Variants in CLOCK observed in about 807,000 individuals in gnomAD.
The protein encoded by CLOCK is circadian locomoter output cycles protein kaput.
CLOCK carries 43 observed loss-of-function variants against 118.4 expected under a neutral mutation model. The ratio of observed to expected loss-of-function variants is 0.36; its 90% CI spans 0.28 to 0.47. The LOEUF is 0.47. Among genes scored for constraint, CLOCK ranks in the 20% least tolerant of loss-of-function variants. The pLI, the probability that CLOCK is intolerant of heterozygous loss-of-function variation, is 1.00. For missense variants in CLOCK, 846 were observed against 999.9 expected (o/e 0.85, Z 2.08); for synonymous variants, 326 against 339.2 (o/e 0.96, Z 0.43).
chr4:55,477,491 A>AT (rs1474294995), intron 6 of CLOCK, among the ~76,000 whole-genome samples: 1 of 152,078 alleles, frequency 6.6e-6, no homozygotes, highest in African/African-American at 2.4e-5. Flanking sequence ...AAATCCTAAA[A>AT]TTTTTTCAGG....
chr4:55,504,390 G>C (rs994052588), intron 2 of CLOCK, among the ~76,000 whole-genome samples: 32 of 150,990 alleles, frequency 2.1e-4, no homozygotes, highest in African/African-American at 7.5e-4. Context: ...ATCACAATAA[G>C]GTTGTCATAA....
intron 20 of CLOCK, among the ~76,000 whole-genome samples, 198 bp downstream of exon 20, chr4:55,443,488 AG>A (rs201971726): frequency 6.7e-6 from 1 of 148,502 alleles, no homozygotes. Flanking sequence ...AAAAAAAAAA[AG>A]AAAAAAAAAA....
chr4:55,489,148 T>C (rs181665980), intron 3 of CLOCK, among the ~76,000 whole-genome samples: 4 of 152,356 alleles, frequency 2.6e-5, no homozygotes, highest in African/African-American at 7.2e-5. Context: ...AGAAGGCGGT[T>C]CTCATGACAG....
At chr4:55,475,204 G>A (rs76370196) in intron 7 of CLOCK, among the ~76,000 whole-genome samples, 5,123 of 152,268 alleles carry the variant, frequency 0.034, 102 homozygotes, top group Non-Finnish European at 0.054. Flanking sequence ...CAAGATGTCA[G>A]TGAAGGAAGT....
intron 2 of CLOCK, among the ~76,000 whole-genome samples, chr4:55,508,661 C>T (rs6838499): frequency 0.34 from 50,996 of 150,898 alleles, 9,304 homozygotes; most frequent in East Asian, 0.58. Flanking sequence ...GGCATGATCT[C>T]GGCTCACTGC....
At chr4:55,512,797 C>A (rs1167003632) in intron 1 of CLOCK, among the ~76,000 whole-genome samples, 1 of 152,064 alleles carries the variant, frequency 6.6e-6, no homozygotes, top group Non-Finnish European at 1.5e-5. Context: ...TGCTCCGGTA[C>A]CATTTGTTGA....
chr4:55,503,890 T>C lies in CLOCK; in HGVS notation c.-136+6022A>G, dbSNP rs117764371. On this transcript the variant is annotated intron_variant, in intron 2 of 22. Coordinates refer to ENST00000513440, the MANE Select transcript of CLOCK (RefSeq NM_004898.4). ...TAGAAAATTGTAACACTGCAGGTAC[T>C]TCTTCTTAGTGTAATTATAAACAAT... Among the ~76,000 whole-genome samples the C allele has an allele frequency of 1.8e-3, 269 of 150,838 alleles. 9 individuals carry two copies. In the East Asian group the frequency reaches 0.049, roughly 27 times the overall value.
At chr4:55,480,067 ATT>A (rs1241756658) in intron 4 of CLOCK, among the ~76,000 whole-genome samples, 1 of 152,152 alleles carries the variant, frequency 6.6e-6, no homozygotes, top group Non-Finnish European at 1.5e-5. Flanking sequence ...CATAATTTAA[ATT>A]TTTTCTTAGA....
chr4:55,486,359 C>T (rs1727295858), intron 3 of CLOCK: 2 of 152,190 alleles, frequency 1.3e-5, no homozygotes, highest in Non-Finnish European at 1.5e-5. Flanking sequence ...ATCTTCCAAC[C>T]TGTTTCTATT....
intron 6 of CLOCK, 69 bp downstream of exon 6, chr4:55,478,746 A>G (rs1209085174): frequency 1.4e-6 from 2 of 1,474,198 alleles, no homozygotes; most frequent in Non-Finnish European, 1.9e-6. Flanking sequence ...ATCCAATCTT[A>G]AGCATCTCTG....
intron 13 of CLOCK, among the ~76,000 whole-genome samples, chr4:55,455,123 T>C (rs1263397861): frequency 1.3e-5 from 2 of 152,196 alleles, no homozygotes; most frequent in Non-Finnish European, 2.9e-5. Context: ...GTCTAAAATA[T>C]CTAGTTAAGC....
intron 9 of CLOCK, 26 bp downstream of exon 9, chr4:55,463,659 T>A (rs755782038): frequency 6.2e-7 from 1 of 1,611,862 alleles, no homozygotes; most frequent in Non-Finnish European, 8.5e-7. Flanking sequence ...AACATTTGAC[T>A]TTTTTGCTTA....
intron 4 of CLOCK, among the ~76,000 whole-genome samples, chr4:55,480,675 G>T (rs1338681353): frequency 3.3e-5 from 5 of 152,124 alleles, no homozygotes; most frequent in Admixed American, 6.5e-5. Context: ...CGGATCACGA[G>T]GTCCAGGAGA....
intron 1 of CLOCK, among the ~76,000 whole-genome samples, chr4:55,511,546 T>C (rs1056482486): frequency 1.3e-5 from 2 of 152,192 alleles, no homozygotes; most frequent in African/African-American, 2.4e-5. Flanking sequence ...ACTCCATTAA[T>C]GCACAGCCTT....
chr4:55,491,425 C>T (rs192306015), intron 2 of CLOCK, among the ~76,000 whole-genome samples: 8 of 147,754 alleles, frequency 5.4e-5, no homozygotes, highest in Admixed American at 5.4e-4. Flanking sequence ...AAAAGACTAA[C>T]AAAATTGACA....
intron 1 of CLOCK, among the ~76,000 whole-genome samples, chr4:55,542,372 A>G (rs1731330801): frequency 5.3e-5 from 1 of 19,016 alleles, no homozygotes; most frequent in Non-Finnish European, 1.1e-4. Flanking sequence ...TAATAATAAT[A>G]ATAATAATAT....
intron 8 of CLOCK, among the ~76,000 whole-genome samples, chr4:55,464,745 A>C (rs1477594239): frequency 1.3e-5 from 2 of 152,248 alleles, no homozygotes; most frequent in Non-Finnish European, 2.9e-5. Flanking sequence ...CAAAAAACAT[A>C]CAACAACAAA....
intron 1 of CLOCK, among the ~76,000 whole-genome samples, chr4:55,517,806 T>C (rs761222145): frequency 3.9e-5 from 6 of 152,276 alleles, no homozygotes; most frequent in Middle Eastern, 3.4e-3. Flanking sequence ...TAGTAGAATG[T>C]TGGCTTTTTC....
At chr4:55,521,774 T>C (rs956846964) in intron 1 of CLOCK, among the ~76,000 whole-genome samples, 1 of 152,232 alleles carries the variant, frequency 6.6e-6, no homozygotes, top group Non-Finnish European at 1.5e-5. Flanking sequence ...ATGCAATTTT[T>C]ACTAATATCT....
Sources: gnomAD v4.1 joint callset for allele counts (sites outside exome capture counted in the v4.1 genomes callset) on GRCh38, gnomAD v4.1.1 for gene constraint, MANE v1.5 for transcripts, NCBI Gene and HGNC (gene_info 2026-07-23, HGNC 2026-07-21) for gene names.